Variants in AHRR observed in about 807,000 individuals in gnomAD.
AHRR encodes ahR repressor.
Under a neutral mutation model 44.0 loss-of-function variants are expected in AHRR, and 28 were observed. The observed-to-expected ratio is 0.64, with a 90% CI of 0.47 to 0.87. The LOEUF (loss-of-function observed/expected upper bound fraction) is 0.87, where lower values mean the gene tolerates loss of function less well. AHRR is among the 40% of genes least tolerant of loss of function. The pLI is 0.00. For missense variants in AHRR, 990 were observed against 953.9 expected, an observed-to-expected ratio of 1.04 and a Z score of -0.50; for synonymous variants, 434 against 407.0, an observed-to-expected ratio of 1.07 and a Z score of -0.80.
chr5:379,834 C>T (rs1733910757), intron 4 of AHRR, among the ~76,000 whole-genome samples: 1 of 152,094 alleles, frequency 6.6e-6, no homozygotes, highest in African/African-American at 2.4e-5. Flanking sequence ...GAAAGTATTC[C>T]ATTTTGATTA....
chr5:412,020 C>T (rs1305205408), intron 4 of AHRR, among the ~76,000 whole-genome samples: 1 of 152,188 alleles, frequency 6.6e-6, no homozygotes, highest in African/African-American at 2.4e-5. Context: ...GTGATGGCCC[C>T]GGGAAGCTGC....
chr5:330,140 T>C (rs1383160013), intron 1 of AHRR, among the ~76,000 whole-genome samples: 1 of 152,206 alleles, frequency 6.6e-6, no homozygotes, highest in African/African-American at 2.4e-5. Context: ...GGTATGTTCC[T>C]TCTGTGCCTA....
intron 3 of AHRR, among the ~76,000 whole-genome samples, chr5:376,193 CAG>C (rs1158011262): frequency 7.7e-5 from 10 of 129,598 alleles, no homozygotes; most frequent in Admixed American, 5.9e-4. Flanking sequence ...CCGTGGGTCT[CAG>C]GGGAGGGGCC....
intron 4 of AHRR, among the ~76,000 whole-genome samples, chr5:391,534 G>T (rs1273473383): frequency 3.7e-4 from 16 of 43,086 alleles, no homozygotes; most frequent in South Asian, 7.6e-4. Flanking sequence ...GGCAGGGCGA[G>T]GAGGGCGCAG....
At chr5:374,311 G>A (rs1255942793) in intron 3 of AHRR, among the ~76,000 whole-genome samples, 2 of 152,234 alleles carry the variant, frequency 1.3e-5, no homozygotes, top group Non-Finnish European at 2.9e-5. Context: ...CACCCGGGGC[G>A]CCTCTTGCCC....
Position 405,243 on chromosome 5 carries a change from G to A in AHRR, c.352-8101G>A, listed in dbSNP as rs1329332504. Among the ~76,000 whole-genome samples, 3 of 152,070 alleles carry A rather than the reference G, an allele frequency of 2.0e-5. No homozygotes were observed. The highest frequency in any genetic ancestry group is 4.4e-5 in the Non-Finnish European group (3 of 68,024). ...AGCATGGAACCAACCCTCTTCCTCG[G>A]AGCTGCACGGGAATGAAAATGTACA... On this transcript the variant is annotated intron_variant, in intron 4 of 10. Coordinates refer to ENST00000684583, the MANE Select transcript of AHRR (RefSeq NM_001377236.1). The surrounding 1 kb of genome is among the most constrained non-coding windows in gnomAD (Gnocchi z 4.5).
rs1172732659 is a variant in AHRR, at chr5:434,405, G to T, written c.1665G>T (p.Leu555=). 4.3e-6 allele frequency: 7 copies of T among 1,613,300 alleles called. No homozygotes were observed. The highest frequency in any genetic ancestry group is 3.3e-5 in the Admixed American group (2 of 60,000). Residue 555 remains leucine, a synonymous_variant, in exon 11 of 11, where the codon CTG becomes CTT. Coordinates refer to ENST00000684583, the MANE Select transcript of AHRR (RefSeq NM_001377236.1). ...GCTGTGTGCCCAGCCAGGTGTGGCT[G>T]GGGGCCAGTGACAGGAGCCACCCAG... ...ADGCVPSQVW[L]GASDRSHPAT...
At chr5:344,480 G>T in intron 2 of AHRR, among the ~76,000 whole-genome samples, 1 of 8,804 alleles carries the variant, frequency 1.1e-4, no homozygotes, top group Non-Finnish European at 2.5e-4. Context: ...CTGTGTGTGC[G>T]CGGGGGGAGC....
intron 4 of AHRR, among the ~76,000 whole-genome samples, chr5:385,167 T>TA (rs1468905341): frequency 3.3e-5 from 5 of 152,000 alleles, no homozygotes; most frequent in African/African-American, 4.8e-5. Flanking sequence ...GATGTGTCTT[T>TA]TATTTATCGT....
At chr5:335,971 G>T (rs973032847) in intron 1 of AHRR, among the ~76,000 whole-genome samples, 1 of 152,200 alleles carries the variant, frequency 6.6e-6, no homozygotes, top group African/African-American at 2.4e-5. Flanking sequence ...CCTCAGTTCC[G>T]CAAGCAGCAG....
rs1742197177 is a variant in AHRR at position 337,862 on chromosome 5, G to A, written c.-10-6031G>A. 6.6e-6 allele frequency among the ~76,000 whole-genome samples: 1 copy of A among 152,154 alleles called. No homozygotes were observed. Among genetic ancestry groups the A allele is most frequent in the Non-Finnish European group, 1.5e-5 (1 of 68,024 alleles). The stretch of plus-strand genomic sequence containing the variant: ...CTATGGCAGTGGTGAGCAGGAACAC[G>A]AAAAAATAGGAAGCACTGGAACCAG... On this transcript the variant is annotated intron_variant, in intron 1 of 10. Transcript: ENST00000684583. This position sits in a 1 kb window ranked among gnomAD's most constrained non-coding sequence, Gnocchi z 4.1.
At chr5:391,536 A>T (rs866808116) in intron 4 of AHRR, among the ~76,000 whole-genome samples, 1 of 18,840 alleles carries the variant, frequency 5.3e-5, no homozygotes, top group Non-Finnish European at 8.6e-5. Context: ...CAGGGCGAGG[A>T]GGGCGCAGGG....
At chr5:365,528 G>A (rs985739726) in intron 3 of AHRR, among the ~76,000 whole-genome samples, 1 of 152,084 alleles carries the variant, frequency 6.6e-6, no homozygotes, top group Non-Finnish European at 1.5e-5. Flanking sequence ...ATATTAATGA[G>A]CTAAGCATTT....
rs1579574288 is a variant in AHRR, at chr5:321,883, G to C, written c.-11+64G>C. The C allele has an allele frequency of 6.6e-6, 1 of 152,156 alleles. No individual in the cohort carries two copies. Among genetic ancestry groups the C allele is most frequent in the Middle Eastern group, 3.4e-3 (1 of 294 alleles). The allele number at this position is 152,156 out of a possible 1,614,324, so 9.4% of individuals were successfully genotyped here. On this transcript the variant is annotated intron_variant, in intron 1 of 10. Transcript: ENST00000684583. This position sits in a 1 kb window ranked among gnomAD's most constrained non-coding sequence, Gnocchi z 8.3. ...GCCGCCCGCGGTGGAGACGGGATGC[G>C]CTCCCGGGTGTGGGGCTGAGGGACG...
chr5:418,176 C>T (rs1051485286), intron 5 of AHRR, among the ~76,000 whole-genome samples: 5 of 152,192 alleles, frequency 3.3e-5, no homozygotes, highest in East Asian at 1.9e-4. Context: ...TCTAAACTCC[C>T]TAAGTGGTAG....
At chr5:391,340 C>CA (rs1734418760) in intron 4 of AHRR, among the ~76,000 whole-genome samples, 1 of 99,814 alleles carries the variant, frequency 1.0e-5, no homozygotes, top group Non-Finnish European at 2.1e-5. Flanking sequence ...CAGGGCGAGG[C>CA]GGGCGCAGGG....
At chr5:330,619 C>A (rs903809370) in intron 1 of AHRR, among the ~76,000 whole-genome samples, 1 of 152,170 alleles carries the variant, frequency 6.6e-6, no homozygotes, top group Admixed American at 6.5e-5. Flanking sequence ...AGTGATCCAC[C>A]TGCCTTGGCC....
At chr5:351,773 G>A (rs1742866547) in intron 2 of AHRR, among the ~76,000 whole-genome samples, 1 of 152,232 alleles carries the variant, frequency 6.6e-6, no homozygotes, top group African/African-American at 2.4e-5. Context: ...TGGGTTTGGC[G>A]CTGTCAGGCT....
intron 10 of AHRR, among the ~76,000 whole-genome samples, chr5:433,408 T>G (rs796779772): frequency 1.2e-4 from 18 of 152,266 alleles, no homozygotes; most frequent in African/African-American, 4.1e-4. Context: ...CTCACAGTCA[T>G]GCAGTGCCAG....
Sources: allele counts gnomAD v4.1 joint callset (sites outside exome capture counted in the v4.1 genomes callset), GRCh38; gene constraint gnomAD v4.1.1; non-coding constraint Gnocchi (gnomAD v3.1); transcripts MANE v1.5; gene names NCBI Gene and HGNC (gene_info 2026-07-23, HGNC 2026-07-21).